LCA5: variants seen among roughly 807,000 people sequenced by gnomAD.
LCA5 encodes the protein lebercilin.
Under a neutral mutation model 53.0 loss-of-function variants are expected in LCA5, and 37 were observed. That is an observed-to-expected ratio of 0.70 (90% CI 0.54 to 0.92). The LOEUF is 0.92. Ranked by LOEUF, LCA5 falls within the 40% of genes least tolerant of loss-of-function variation. The pLI is 0.00. For missense variants in LCA5, 806 were observed against 790.5 expected (o/e 1.02, Z -0.23); for synonymous variants, 303 against 282.9 (o/e 1.07, Z -0.71).
At chr6:79,492,213 T>G (rs368407364) in intron 5 of LCA5, among the ~76,000 whole-genome samples, 23 of 152,128 alleles carry the variant, frequency 1.5e-4, no homozygotes, top group East Asian at 7.7e-4. Flanking sequence ...GTAAAAAGTA[T>G]AACTGTTAAA....
intron 3 of LCA5, among the ~76,000 whole-genome samples, chr6:79,502,234 G>C (rs1770160487): frequency 6.6e-6 from 1 of 152,122 alleles, no homozygotes. Flanking sequence ...TCCTCTGGAG[G>C]ATAATTCATC....
chr6:79,492,401 A>G, intron 5 of LCA5, 150 bp downstream of exon 5: 1 of 445,146 alleles, frequency 2.2e-6, no homozygotes, highest in Non-Finnish European at 4.1e-6. Flanking sequence ...GGATTTCTGA[A>G]AATTATTAGG....
rs1766963420 is a variant in LCA5, at chr6:79,531,692, C to T, written c.-192+5473G>A. ...AATTTTCTGTCGTACTGGTCCTTAA[C>T]CTCACAGTAGTGTTTGACATAACCA... On this transcript the variant is annotated intron_variant, in intron 1 of 7. Transcript: ENST00000369846. Among the ~76,000 whole-genome samples the T allele has an allele frequency of 2.0e-5, 3 of 152,262 alleles. 1 individual carries two copies. In the South Asian group the frequency reaches 6.2e-4, roughly 32 times the overall value.
chr6:79,511,510 G>A (rs915351966), intron 3 of LCA5, among the ~76,000 whole-genome samples: 2 of 152,092 alleles, frequency 1.3e-5, no homozygotes, highest in African/African-American at 4.8e-5. Flanking sequence ...TAAAATACAA[G>A]GGATTCTTGT....
intron 6 of LCA5, among the ~76,000 whole-genome samples, chr6:79,489,728 A>G (rs1398413802): frequency 6.6e-6 from 1 of 152,114 alleles, no homozygotes; most frequent in Non-Finnish European, 1.5e-5. Context: ...GTTCAAATAT[A>G]TGGGTGTGTG....
chr6:79,527,529 T>C (rs981949369), intron 1 of LCA5, among the ~76,000 whole-genome samples: 2 of 152,178 alleles, frequency 1.3e-5, no homozygotes, highest in African/African-American at 4.8e-5. Flanking sequence ...ATAAGTATCT[T>C]TGCCCTGAAC....
chr6:79,509,816 T>C (rs1199143850), intron 3 of LCA5, among the ~76,000 whole-genome samples: 1 of 152,160 alleles, frequency 6.6e-6, no homozygotes, highest in East Asian at 1.9e-4. Flanking sequence ...CAGATTTGTA[T>C]CCTGAAAATT....
chr6:79,501,331 T>C (rs980114086), intron 3 of LCA5, among the ~76,000 whole-genome samples: 4 of 152,088 alleles, frequency 2.6e-5, no homozygotes, highest in African/African-American at 9.7e-5. Flanking sequence ...ACTAATTTTA[T>C]GCCAGAGAGT....
In LCA5 at chr6:79,491,576, T is replaced by C; in HGVS notation, c.1098+12A>G. On this transcript the variant is annotated intron_variant, in intron 6 of 7. Transcript: ENST00000369846. ...GACCGAGTTTGGTACATAACAATAC[T>C]GCTAAACTCACCAAAGTAAGATGTC... 1.2e-6 allele frequency: 2 copies of C among 1,612,312 alleles called. No individual in the cohort carries two copies. Among genetic ancestry groups the C allele is most frequent in the Non-Finnish European group, 1.7e-6 (2 of 1,178,640 alleles).
chr6:79,498,127 T>C (rs775538097), intron 3 of LCA5, among the ~76,000 whole-genome samples: 1 of 151,338 alleles, frequency 6.6e-6, no homozygotes, highest in Non-Finnish European at 1.5e-5. Flanking sequence ...CACTGATGCA[T>C]TTAGGGGTAA....
At chr6:79,519,674 G>A (rs1471816602) in intron 1 of LCA5, among the ~76,000 whole-genome samples, 6 of 141,978 alleles carry the variant, frequency 4.2e-5, no homozygotes, top group African/African-American at 1.6e-4. Context: ...CCAAGATGGC[G>A]CCACTGAACT....
chr6:79,494,596 T>C (rs971506843), intron 3 of LCA5, among the ~76,000 whole-genome samples: 1 of 152,144 alleles, frequency 6.6e-6, no homozygotes, highest in African/African-American at 2.4e-5. Flanking sequence ...TCTCATTACA[T>C]TGTGATAATC....
At chr6:79,491,310 G>C (rs527237577) in intron 6 of LCA5, among the ~76,000 whole-genome samples, 1 of 152,112 alleles carries the variant, frequency 6.6e-6, no homozygotes, top group Non-Finnish European at 1.5e-5. Flanking sequence ...TTAAGTTTTA[G>C]GGTACATGTG....
chr6:79,492,846 C>T (rs2127669368), intron 4 of LCA5, among the ~76,000 whole-genome samples, 199 bp from the exon 5 acceptor site: 1 of 152,104 alleles, frequency 6.6e-6, no homozygotes, highest in South Asian at 2.1e-4. Context: ...CCTAAAAAGT[C>T]TAATATGTCC....
chr6:79,501,579 T>C (rs1016569351), intron 3 of LCA5, among the ~76,000 whole-genome samples: 1 of 151,890 alleles, frequency 6.6e-6, no homozygotes, highest in African/African-American at 2.4e-5. Context: ...TACTTCTCCA[T>C]TAAAATACAA....
At chr6:79,490,418 G>A (rs1420827268) in intron 6 of LCA5, among the ~76,000 whole-genome samples, 1 of 152,082 alleles carries the variant, frequency 6.6e-6, no homozygotes, top group Non-Finnish European at 1.5e-5. Context: ...TAAAATGTTA[G>A]AATTTAACTA....
At chr6:79,535,962 T>C (rs1185194208) in intron 1 of LCA5, among the ~76,000 whole-genome samples, 3 of 152,196 alleles carry the variant, frequency 2.0e-5, no homozygotes, top group Admixed American at 2.0e-4. Flanking sequence ...TGGGCTTCCA[T>C]TGTGTCCTAC....
At chr6:79,512,910 G>A (rs149240708) in intron 3 of LCA5, among the ~76,000 whole-genome samples, 5 of 152,158 alleles carry the variant, frequency 3.3e-5, no homozygotes, top group African/African-American at 7.2e-5. Context: ...GCCCCAAAAC[G>A]TCAGTTTTAT....
In LCA5 at chr6:79,513,477, T is replaced by C. The variant is rs763870959; in HGVS notation, c.455A>G (p.Asp152Gly). 5.6e-6 allele frequency: 9 copies of C among 1,613,856 alleles called. No homozygotes were observed. Among genetic ancestry groups the C allele is most frequent in the Non-Finnish European group, 7.6e-6 (9 of 1,179,938 alleles). ...AAGTTGTGAGATTTCATTTTCGGCA[T>C]CTTCAAACTTATTCAGGGCTTTCTC... ...RQEKALNKFEDAENEISQLIF... is the reference protein window; with the variant it reads ...RQEKALNKFEGAENEISQLIF... Residue 152 changes from aspartate (D) to glycine (G), a missense_variant, in exon 3 of 8, where the codon GAT becomes GGT. Asp to Gly is a moderately conservative substitution (Grantham distance 94). Coordinates refer to ENST00000369846, the MANE Select transcript of LCA5 (RefSeq NM_001122769.3).
Sources: allele counts gnomAD v4.1 joint callset (sites outside exome capture counted in the v4.1 genomes callset), GRCh38; gene constraint gnomAD v4.1.1; transcripts MANE v1.5; gene names NCBI Gene and HGNC (gene_info 2026-07-23, HGNC 2026-07-21).